The following SGCZ variants were observed in gnomAD, a reference collection of about 807,000 sequenced individuals.
SGCZ encodes the protein sarcoglycan zeta.
SGCZ carries 40 observed loss-of-function variants against 41.3 expected under a neutral mutation model. That is an observed-to-expected ratio of 0.97 (90% CI 0.75 to 1.26). The LOEUF (loss-of-function observed/expected upper bound fraction) is 1.26, where lower values mean the gene tolerates loss of function less well. Among genes scored for constraint, SGCZ ranks in the 50% most tolerant of loss-of-function variants. The probability of loss-of-function intolerance (pLI) is 0.00; values close to 1 mark genes in which losing one functional copy is unlikely to be tolerated. For synonymous variants in SGCZ, 206 were observed against 137.5 expected (o/e 1.50, Z -3.49); for missense variants, 552 against 369.8 (o/e 1.49, Z -4.04).
At chr8:14,695,600 A>G (rs1053650969) in intron 1 of SGCZ, among the ~76,000 whole-genome samples, 2 of 152,124 alleles carry the variant, frequency 1.3e-5, no homozygotes, top group Non-Finnish European at 2.9e-5. Flanking sequence ...TTACAGCAAC[A>G]TGGCTAGAGA....
At chr8:14,106,082 C>A (rs1177626595) in intron 6 of SGCZ, among the ~76,000 whole-genome samples, 1 of 152,064 alleles carries the variant, frequency 6.6e-6, no homozygotes, top group Non-Finnish European at 1.5e-5. Flanking sequence ...TCCTTATATC[C>A]CATTCATTTA....
intron 1 of SGCZ, among the ~76,000 whole-genome samples, chr8:14,735,525 C>A (rs532962929): frequency 8.1e-4 from 124 of 152,264 alleles, no homozygotes; most frequent in African/African-American, 2.9e-3. Context: ...TTTGCTGGGG[C>A]CTCTCAGGCC....
intron 1 of SGCZ, among the ~76,000 whole-genome samples, chr8:14,693,222 G>T (rs1808854563): frequency 6.6e-6 from 1 of 151,800 alleles, no homozygotes; most frequent in Non-Finnish European, 1.5e-5. Context: ...ATTCTAATCT[G>T]TTAAAATGAC....
intron 2 of SGCZ, among the ~76,000 whole-genome samples, chr8:14,478,785 GTTC>G (rs2116998176): frequency 6.6e-6 from 1 of 152,176 alleles, no homozygotes; most frequent in African/African-American, 2.4e-5. Context: ...CAGAGTAACA[GTTC>G]TTATTTATTT....
chr8:14,099,912 G>T (rs1030566498), intron 7 of SGCZ, among the ~76,000 whole-genome samples: 2 of 152,012 alleles, frequency 1.3e-5, no homozygotes, highest in Admixed American at 6.6e-5. Flanking sequence ...CAGCAGTGCA[G>T]AATTTCACAT....
intron 2 of SGCZ, among the ~76,000 whole-genome samples, chr8:14,431,448 C>A (rs1268085215): frequency 7.1e-6 from 1 of 141,424 alleles, no homozygotes; most frequent in African/African-American, 2.5e-5. Context: ...GAGAAGACAC[C>A]CTATTCAACA....
At chr8:14,761,535 A>ATTTT (rs754016787) in intron 1 of SGCZ, among the ~76,000 whole-genome samples, 17 of 135,778 alleles carry the variant, frequency 1.3e-4, no homozygotes, top group South Asian at 2.3e-4. Context: ...TTATTTATTT[A>ATTTT]TTTATTTTTT....
chr8:14,827,747 TAA>T lies in SGCZ; in HGVS notation c.40-272823_40-272822del, dbSNP rs1168891442. On this transcript the variant is annotated intron_variant, in intron 1 of 7. Transcript: ENST00000382080. ...TCAACTCTAATGCAATGACAGAATA[TAA>T]GTCATCTTTATATCATTTAACTACA... is the stretch of plus-strand genomic sequence containing the variant. 5.3e-5 allele frequency among the ~76,000 whole-genome samples: 8 copies of T among 152,272 alleles called. No homozygotes were observed. The South Asian group carries it at 1.2e-3, about 24-fold the overall frequency.
At chr8:14,698,906 C>T (rs907516735) in intron 1 of SGCZ, among the ~76,000 whole-genome samples, 3 of 151,792 alleles carry the variant, frequency 2.0e-5, no homozygotes, top group South Asian at 2.1e-4. Context: ...TCTGGGTAAT[C>T]GTGAAAACTT....
intron 2 of SGCZ, among the ~76,000 whole-genome samples, chr8:14,414,192 G>A (rs955913673): frequency 1.5e-4 from 22 of 150,944 alleles, no homozygotes; most frequent in Non-Finnish European, 3.0e-4. Context: ...ACACACTCGC[G>A]CACACACACA....
At position 14,574,129 on chromosome 8, in the gene SGCZ, G is replaced by A. The variant is rs181270967; in HGVS notation, c.40-19203C>T. On this transcript the variant is annotated intron_variant, in intron 1 of 7. Transcript: ENST00000382080. ...CTGATCACTCTCTAGCTTCACAGAA[G>A]CATTTGATGCAGGTTTCATATAACC... 1.2e-3 allele frequency among the ~76,000 whole-genome samples: 190 copies of A among 152,264 alleles called. 2 individuals carry two copies. The highest frequency in any genetic ancestry group is 3.5e-3 in the Admixed American group (53 of 15,286).
chr8:14,665,157 C>T (rs928270611), intron 1 of SGCZ, among the ~76,000 whole-genome samples: 5 of 152,002 alleles, frequency 3.3e-5, no homozygotes, highest in African/African-American at 1.2e-4. Context: ...TGCTATCCCT[C>T]CCCCCTCTCC....
At chr8:14,987,718 A>G (rs974868581) in intron 1 of SGCZ, among the ~76,000 whole-genome samples, 11 of 151,998 alleles carry the variant, frequency 7.2e-5, no homozygotes, top group African/African-American at 2.4e-4. Flanking sequence ...AATGAACACA[A>G]TGTAATTAAA....
intron 3 of SGCZ, among the ~76,000 whole-genome samples, chr8:14,293,543 C>T (rs1215582712): frequency 6.6e-6 from 1 of 151,878 alleles, no homozygotes; most frequent in African/African-American, 2.4e-5. Flanking sequence ...CAGTTTGATA[C>T]ATATGTCAAT....
At position 14,252,047 on chromosome 8, in the gene SGCZ, T is replaced by C. The variant is rs2117208917; in HGVS notation, c.337-14368A>G. Among the ~76,000 whole-genome samples the C allele has an allele frequency of 2.0e-5, 3 of 152,292 alleles. No individual in the cohort carries two copies. The South Asian group carries it at 6.2e-4, about 32-fold the overall frequency. ...TTTATTAGATTGGGAAAACTTCTCA[T>C]CTGTTAGCTCTTCAATAGGGCCTCT... is the stretch of plus-strand genomic sequence containing the variant. On this transcript the variant is annotated intron_variant, in intron 3 of 7. Coordinates refer to ENST00000382080, the MANE Select transcript of SGCZ (RefSeq NM_139167.4).
chr8:15,230,243 A>G (rs570152314), intron 1 of SGCZ, among the ~76,000 whole-genome samples: 1 of 152,106 alleles, frequency 6.6e-6, no homozygotes, highest in East Asian at 1.9e-4. Context: ...ATTAAATACT[A>G]TGATGGTAGC....
chr8:14,183,952 C>T (rs1430081891), intron 4 of SGCZ, among the ~76,000 whole-genome samples: 1 of 152,014 alleles, frequency 6.6e-6, no homozygotes, highest in African/African-American at 2.4e-5. Context: ...CAAAGAAATA[C>T]TTATAGTTAA....
At chr8:15,018,286 T>G (rs999901118) in intron 1 of SGCZ, among the ~76,000 whole-genome samples, 3 of 152,020 alleles carry the variant, frequency 2.0e-5, no homozygotes, top group Non-Finnish European at 4.4e-5. Flanking sequence ...AGATCAAAAA[T>G]AAACAAGACA....
intron 1 of SGCZ, among the ~76,000 whole-genome samples, chr8:14,700,040 A>T (rs879517451): frequency 5.3e-5 from 8 of 152,204 alleles, no homozygotes; most frequent in Middle Eastern, 3.4e-3. Context: ...TGTGGAAAAC[A>T]GATTGGAGAT....
Sources: allele counts gnomAD v4.1 joint callset (sites outside exome capture counted in the v4.1 genomes callset), GRCh38; gene constraint gnomAD v4.1.1; transcripts MANE v1.5; gene names NCBI Gene and HGNC (gene_info 2026-07-23, HGNC 2026-07-21).